ATP6V0E2: variants seen among roughly 807,000 people sequenced by gnomAD.
The protein encoded by ATP6V0E2 is V-type proton ATPase subunit e 2.
A neutral mutation model predicts 11.5 loss-of-function variants in ATP6V0E2; 4 were observed. The observed-to-expected ratio is 0.35, with a 90% CI of 0.17 to 0.80. The LOEUF (loss-of-function observed/expected upper bound fraction) is 0.80, where lower values mean the gene tolerates loss of function less well. ATP6V0E2 is among the 30% of genes least tolerant of loss of function. The pLI is 0.53. For missense variants in ATP6V0E2, 93 were observed against 113.5 expected (o/e 0.82, Z 0.82); for synonymous variants, 52 against 51.0 (o/e 1.02, Z -0.09).
At chr7:149,877,233 A>G (rs1803203207) in intron 2 of ATP6V0E2, among the ~76,000 whole-genome samples, 1 of 152,198 alleles carries the variant, frequency 6.6e-6, no homozygotes, top group South Asian at 2.1e-4. Context: ...TCTGTTGCCC[A>G]GGCTAGAGTG....
intron 2 of ATP6V0E2, among the ~76,000 whole-genome samples, chr7:149,876,342 C>T (rs1803138375): frequency 6.6e-6 from 1 of 152,120 alleles, no homozygotes; most frequent in African/African-American, 2.4e-5. Context: ...TACCACTGCA[C>T]TCCAGCCTGG....
At chr7:149,879,054 G>C in intron 3 of ATP6V0E2, 1 of 1,359,538 alleles carries the variant, frequency 7.4e-7, no homozygotes, top group South Asian at 1.7e-5. Context: ...TTCATGAAAA[G>C]AAAAGGTGGG....
At position 149,874,155 on chromosome 7, in the gene ATP6V0E2, G is replaced by A; in HGVS notation, c.90G>A (p.Lys30=). The part of the protein sequence containing the change: ...VGIAGPWFVP[K]GPNRGVIITM... ...TCGCCGGGCCCTGGTTCGTGCCGAA[G>A]GGACCCAACCGCGGGTAAGGAAAGC... The change falls in exon 1 of 4, where the codon AAG becomes AAA. Residue 30 remains lysine, a synonymous_variant. Transcript: ENST00000425642. The A allele has an allele frequency of 1.3e-6, 2 of 1,549,270 alleles. No individual in the cohort carries two copies. The highest frequency in any genetic ancestry group is 1.2e-5 in the South Asian group (1 of 83,992).
rs1803329050 is a variant in ATP6V0E2 at position 149,879,407 on chromosome 7, A to C, written c.*92A>C. On this transcript the variant is annotated 3_prime_UTR_variant, in exon 4 of 4. Coordinates refer to ENST00000425642, the MANE Select transcript of ATP6V0E2 (RefSeq NM_145230.4). ...CTTCGTCCGGACCCTCCCCCACACAACTATGTCTGGTCACCAGCTCCCTCC... is the reference window on the plus strand; with the variant it reads ...CTTCGTCCGGACCCTCCCCCACACACCTATGTCTGGTCACCAGCTCCCTCC... 3 of 1,604,904 alleles carry C rather than the reference A, an allele frequency of 1.9e-6. No homozygotes were observed. The highest frequency in any genetic ancestry group is 2.6e-6 in the Non-Finnish European group (3 of 1,175,910).
Position 149,879,399 on chromosome 7 carries a change from C to G in ATP6V0E2, c.*84C>G, listed in dbSNP as rs757772874. 7.1e-5 allele frequency: 114 copies of G among 1,600,656 alleles called. No individual in the cohort carries two copies. Among genetic ancestry groups the G allele is most frequent in the Middle Eastern group, 1.7e-4 (1 of 6,028 alleles). ...GACAACCCCTTCGTCCGGACCCTCC[C>G]CCACACAACTATGTCTGGTCACCAG... On this transcript the variant is annotated 3_prime_UTR_variant, in exon 4 of 4. Coordinates refer to ENST00000425642, the MANE Select transcript of ATP6V0E2 (RefSeq NM_145230.4).
rs371739649 is a variant in ATP6V0E2, at chr7:149,878,804, G to C, written c.*19+14G>C. ...CCCCCGACCCAGGTACTGTGTGGGC[G>C]AGGGGTGTGGGTGGGGAAGAGGGGA... On this transcript the variant is annotated intron_variant, in intron 3 of 3. Coordinates refer to ENST00000425642, the MANE Select transcript of ATP6V0E2 (RefSeq NM_145230.4). 3 of 1,609,990 alleles carry C rather than the reference G, an allele frequency of 1.9e-6. No individual in the cohort carries two copies. The highest frequency in any genetic ancestry group is 2.5e-6 in the Non-Finnish European group (3 of 1,178,690).
upstream of ATP6V0E2, chr7:149,873,932 G>A: frequency 6.5e-7 from 1 of 1,530,678 alleles, no homozygotes; most frequent in Non-Finnish European, 8.8e-7. Context: ...CGCGTGCGCG[G>A]CCCGGCCCGG....
At chr7:149,873,645 G>T, upstream of ATP6V0E2, 1 of 352,702 alleles carries the variant, frequency 2.8e-6, no homozygotes. Context: ...AGGGCGCTTC[G>T]GGCCGAGCCG....
intron 2 of ATP6V0E2, among the ~76,000 whole-genome samples, chr7:149,877,303 C>T (rs1030272332): frequency 6.6e-6 from 1 of 152,194 alleles, no homozygotes; most frequent in African/African-American, 2.4e-5. Context: ...CATCCTCCCA[C>T]CTCAGCCTAG....
chr7:149,874,190 C>A (rs1236719062), intron 1 of ATP6V0E2, 21 bp downstream of exon 1: 2 of 1,540,474 alleles, frequency 1.3e-6, no homozygotes, highest in Admixed American at 2.0e-5. Context: ...CGCGCAGGCC[C>A]TGCAGACCTC....
At position 149,878,778 on chromosome 7, in the gene ATP6V0E2, G is replaced by C; in HGVS notation, c.*7G>C. 1 of 1,612,664 alleles carries C rather than the reference G, an allele frequency of 6.2e-7. No homozygotes were observed. Among genetic ancestry groups the C allele is most frequent in the Non-Finnish European group, 8.5e-7 (1 of 1,179,782 alleles). ...GCGCTTCCTGTGGGAGTGACCCGCC[G>C]CCCCCGACCCAGGTACTGTGTGGGC... On this transcript the variant is annotated 3_prime_UTR_variant, in exon 3 of 4. Coordinates refer to ENST00000425642, the MANE Select transcript of ATP6V0E2 (RefSeq NM_145230.4).
intron 1 of ATP6V0E2, among the ~76,000 whole-genome samples, chr7:149,874,429 C>A (rs1274322472): frequency 6.6e-6 from 1 of 152,176 alleles, no homozygotes; most frequent in East Asian, 1.9e-4. Context: ...CTCCTGCAGC[C>A]AGTAAAGGGC....
upstream of ATP6V0E2, chr7:149,872,975 G>C (rs1258280495): frequency 6.6e-6 from 1 of 152,228 alleles, no homozygotes; most frequent in Non-Finnish European, 1.5e-5. Flanking sequence ...CTTGTTGCTA[G>C]AGATACCGCC....
chr7:149,873,551 GC>G (rs2128946746), upstream of ATP6V0E2: 1 of 188,758 alleles, frequency 5.3e-6, no homozygotes, highest in South Asian at 1.9e-4. Flanking sequence ...CCCTCCCGCT[GC>G]GTCTCTGAAA....
In ATP6V0E2 at chr7:149,875,587, T is replaced by C. The variant is rs750195320; in HGVS notation, c.105-11T>C. On this transcript the variant is annotated splice_polypyrimidine_tract_variant and intron_variant, in intron 1 of 3. Transcript: ENST00000425642. ...TGCATTTGTTCTGACCCGTGTCCTC[T>C]TCTGCTGCAGAGTGATCATCACCAT... The C allele has an allele frequency of 9.9e-6, 16 of 1,613,646 alleles. No homozygotes were observed. In the Admixed American group the frequency reaches 2.7e-4, roughly 27 times the overall value.
chr7:149,873,456 G>GC (rs1665979629), upstream of ATP6V0E2: 1 of 154,518 alleles, frequency 6.5e-6, no homozygotes. Flanking sequence ...CCGACCCCAG[G>GC]CCCCGGTCCG....
chr7:149,878,215 C>T (rs559121694), intron 2 of ATP6V0E2, among the ~76,000 whole-genome samples: 30 of 152,320 alleles, frequency 2.0e-4, no homozygotes, highest in Admixed American at 2.6e-4. Flanking sequence ...GCAGCCTGAA[C>T]AGGAGGCCCC....
chr7:149,875,886 T>G, intron 2 of ATP6V0E2: 1 of 678,700 alleles, frequency 1.5e-6, no homozygotes, highest in South Asian at 1.5e-5. Context: ...TGGGCTGTAG[T>G]TTTCTCACCT....
intron 3 of ATP6V0E2, 45 bp downstream of exon 3, chr7:149,878,835 A>T: frequency 3.1e-6 from 3 of 980,912 alleles, no homozygotes; most frequent in Non-Finnish European, 4.4e-6. Flanking sequence ...GGGGAAAGAC[A>T]AGGCTTTCCC....
Sources: allele counts gnomAD v4.1 joint callset (sites outside exome capture counted in the v4.1 genomes callset), GRCh38; gene constraint gnomAD v4.1.1; transcripts MANE v1.5; gene names NCBI Gene and HGNC (gene_info 2026-07-23, HGNC 2026-07-21).